PRSS23: variants seen among roughly 807,000 people sequenced by gnomAD.
The protein encoded by PRSS23 is protease, serine 23.
In PRSS23, 25 loss-of-function variants were observed where a neutral mutation model predicts 34.7. That is an observed-to-expected ratio of 0.72 (90% CI 0.53 to 1.01). The LOEUF is 1.01. Among genes scored for constraint, PRSS23 ranks in the 50% least tolerant of loss-of-function variants. PRSS23 has a pLI of 0.00. For synonymous variants in PRSS23, 176 were observed against 186.6 expected (o/e 0.94, Z 0.46); for missense variants, 445 against 475.6 (o/e 0.94, Z 0.60).
chr11:86,834,106 A>T (rs749816824), intron 2 of PRSS23, among the ~76,000 whole-genome samples: 12 of 152,142 alleles, frequency 7.9e-5, no homozygotes, highest in Non-Finnish European at 1.5e-4. Flanking sequence ...CAGGGATTGA[A>T]ATGTATGGCC....
At chr11:86,880,371 G>A (rs1948764643) in intron 2 of PRSS23, among the ~76,000 whole-genome samples, 1 of 151,202 alleles carries the variant, frequency 6.6e-6, no homozygotes, top group African/African-American at 2.4e-5. Flanking sequence ...TTTATCTGCT[G>A]ACCCTCCCTC....
chr11:86,823,355 C>A, intron 1 of PRSS23: 1 of 700,762 alleles, frequency 1.4e-6, no homozygotes, highest in Non-Finnish European at 2.6e-6. Context: ...AACTTGCTGT[C>A]TCTGTGTTTC....
rs566919764 is a variant in PRSS23 at position 86,821,157 on chromosome 11, C to T, written c.-11-2220C>T. On this transcript the variant is annotated intron_variant, in intron 1 of 2. Transcript: ENST00000533902. Reference sequence around the variant, plus strand: ...GATTCCCTTCATGCTTCACTTTCCCCAGAAACTGAAACCTGTACTTCCTCT... The same window carrying T: ...GATTCCCTTCATGCTTCACTTTCCCTAGAAACTGAAACCTGTACTTCCTCT... 141 of 632,696 alleles carry T rather than the reference C, an allele frequency of 2.2e-4. 1 individual carries two copies. Among genetic ancestry groups the T allele is most frequent in the South Asian group, 1.3e-3 (57 of 42,862 alleles). The allele number at this position is 632,696 out of a possible 1,614,324, so 39.2% of individuals were successfully genotyped here. A position where few individuals can be genotyped will look rare whatever the true frequency, so the allele number is the denominator to read the frequency against.
At chr11:86,857,947 C>T in intron 2 of PRSS23, 1 of 418,516 alleles carries the variant, frequency 2.4e-6, no homozygotes, top group Admixed American at 2.8e-5. Context: ...GACGGGCTGT[C>T]TCCCAGTATC....
intron 2 of PRSS23, among the ~76,000 whole-genome samples, chr11:86,942,650 T>C (rs1391815643): frequency 6.6e-6 from 1 of 152,204 alleles, no homozygotes; most frequent in Non-Finnish European, 1.5e-5. Flanking sequence ...CCTGGGAATT[T>C]GAGAAGTTGG....
chr11:86,939,427 T>TA (rs1486101541), intron 2 of PRSS23, among the ~76,000 whole-genome samples: 5 of 30,244 alleles, frequency 1.7e-4, no homozygotes, highest in South Asian at 1.8e-3. Context: ...TATATATATA[T>TA]TTTTTAACAT....
At chr11:86,943,891 G>A (rs573627001) in intron 2 of PRSS23, among the ~76,000 whole-genome samples, 24 of 151,840 alleles carry the variant, frequency 1.6e-4, no homozygotes, top group Middle Eastern at 3.4e-3. Flanking sequence ...CTACAGGCGC[G>A]TGTCACACCT....
At chr11:86,866,757 TGTGA>T (rs1278539260) in intron 2 of PRSS23, among the ~76,000 whole-genome samples, 1 of 152,142 alleles carries the variant, frequency 6.6e-6, no homozygotes, top group Non-Finnish European at 1.5e-5. Context: ...CTCTCTTGGG[TGTGA>T]GTGAGTTCTT....
chr11:86,949,541 A>C (rs751494480), intron 2 of PRSS23: 2 of 152,486 alleles, frequency 1.3e-5, no homozygotes, highest in Non-Finnish European at 2.9e-5. Flanking sequence ...TGACATAGTC[A>C]ATTTGTCCCC....
chr11:86,800,589 C>T lies in PRSS23; in HGVS notation c.-76C>T. Reference sequence around the variant, plus strand: ...AGGCATGGGAGCCGCGCGCTCTCTCCCGGCGCCCACACCTGTCTGAGCGGC... The same window carrying T: ...AGGCATGGGAGCCGCGCGCTCTCTCTCGGCGCCCACACCTGTCTGAGCGGC... On this transcript the variant is annotated 5_prime_UTR_variant, in exon 1 of 2. Coordinates refer to ENST00000280258, the MANE Select transcript of PRSS23 (RefSeq NM_007173.6). 1 of 985,064 alleles carries T rather than the reference C, an allele frequency of 1.0e-6. No individual in the cohort carries two copies. Among genetic ancestry groups the T allele is most frequent in the Non-Finnish European group, 1.2e-6 (1 of 829,826 alleles). 61.0% of individuals were successfully genotyped at this position (985,064 alleles called of 1,614,324 possible).
intron 2 of PRSS23, among the ~76,000 whole-genome samples, chr11:86,850,976 C>T (rs1439045778): frequency 6.6e-6 from 1 of 152,216 alleles, no homozygotes; most frequent in African/African-American, 2.4e-5. Flanking sequence ...ATTCGGGACC[C>T]CTTCCACACT....
chr11:86,836,664 A>G (rs531483348), intron 2 of PRSS23, among the ~76,000 whole-genome samples: 1 of 152,294 alleles, frequency 6.6e-6, no homozygotes, highest in African/African-American at 2.4e-5. Flanking sequence ...ATAGTGACAG[A>G]TCTGGAGGAC....
chr11:86,865,872 A>G (rs1209179825), intron 2 of PRSS23, among the ~76,000 whole-genome samples: 2 of 152,230 alleles, frequency 1.3e-5, no homozygotes, highest in Non-Finnish European at 2.9e-5. Context: ...CAGCTTACAC[A>G]AAGTCCTTTG....
Position 86,810,044 on chromosome 11 carries a change from A to G in PRSS23, c.*1249A>G. ...GGTTATAGATAAACAATTAGGTATAATAGCAAAAATGAAAATTGGAAGAAT... is the reference window on the plus strand; with the variant it reads ...GGTTATAGATAAACAATTAGGTATAGTAGCAAAAATGAAAATTGGAAGAAT... On this transcript the variant is annotated 3_prime_UTR_variant, in exon 2 of 2. Coordinates refer to ENST00000280258, the MANE Select transcript of PRSS23 (RefSeq NM_007173.6). 6.0e-6 allele frequency: 1 copy of G among 166,810 alleles called. No individual in the cohort carries two copies. The highest frequency in any genetic ancestry group is 1.5e-5 in the Non-Finnish European group (1 of 68,128). 10.3% of individuals were successfully genotyped at this position (166,810 alleles called of 1,614,324 possible).
chr11:86,822,770 G>A (rs1948262841), intron 1 of PRSS23, among the ~76,000 whole-genome samples: 2 of 152,178 alleles, frequency 1.3e-5, no homozygotes, highest in Non-Finnish European at 2.9e-5. Flanking sequence ...GACATGGGCT[G>A]GAGGTGATTC....
upstream of PRSS23, among the ~76,000 whole-genome samples, chr11:86,799,158 AT>A (rs1175991710): frequency 6.6e-6 from 1 of 152,146 alleles, no homozygotes; most frequent in African/African-American, 2.4e-5. Context: ...AGAAGGGAGG[AT>A]ACTTGAGCCC....
intron 2 of PRSS23, among the ~76,000 whole-genome samples, chr11:86,834,668 A>T (rs1196828823): frequency 1.3e-5 from 2 of 150,760 alleles, no homozygotes; most frequent in Non-Finnish European, 2.9e-5. Context: ...ACAGCCAATA[A>T]TAATTTCCTA....
exon 3 of PRSS23, chr11:86,952,583 T>A: frequency 8.8e-7 from 1 of 1,134,808 alleles, no homozygotes; most frequent in South Asian, 1.3e-5. Flanking sequence ...TATCTACTTT[T>A]AAACCAACCT....
intron 2 of PRSS23, among the ~76,000 whole-genome samples, chr11:86,854,395 G>T (rs1948553974): frequency 6.6e-6 from 1 of 152,140 alleles, no homozygotes; most frequent in South Asian, 2.1e-4. Flanking sequence ...GCTGTTCTTT[G>T]TATATTATGG....
Sources: allele counts gnomAD v4.1 joint callset (sites outside exome capture counted in the v4.1 genomes callset), GRCh38; gene constraint gnomAD v4.1.1; transcripts MANE v1.5; gene names NCBI Gene and HGNC (gene_info 2026-07-23, HGNC 2026-07-21).